The following ENOX1 variants were observed in gnomAD, a reference collection of about 807,000 sequenced individuals.
The protein encoded by ENOX1 is ecto-NOX disulfide-thiol exchanger 1.
ENOX1 carries 42 observed loss-of-function variants against 82.5 expected under a neutral mutation model. That is an observed-to-expected ratio of 0.51 (90% CI 0.40 to 0.66). ENOX1 has a LOEUF of 0.66. Among genes scored for constraint, ENOX1 ranks in the 30% least tolerant of loss-of-function variants. ENOX1 has a pLI of 0.00. For missense variants in ENOX1, 608 were observed against 811.6 expected, an observed-to-expected ratio of 0.75 and a Z score of 3.05; for synonymous variants, 271 against 282.2, an observed-to-expected ratio of 0.96 and a Z score of 0.40.
intron 8 of ENOX1, among the ~76,000 whole-genome samples, chr13:43,349,378 C>A (rs906320415): frequency 6.6e-6 from 1 of 152,108 alleles, no homozygotes; most frequent in Non-Finnish European, 1.5e-5. Context: ...ATTCTGGGAA[C>A]GTAATTGCTC....
At chr13:43,469,507 A>G (rs1413112257) in intron 3 of ENOX1, among the ~76,000 whole-genome samples, 1 of 151,948 alleles carries the variant, frequency 6.6e-6, no homozygotes, top group Non-Finnish European at 1.5e-5. Context: ...TTTGAAAAAT[A>G]AAAATTTTAA....
At chr13:43,567,373 C>T (rs929987293) in intron 2 of ENOX1, among the ~76,000 whole-genome samples, 3 of 152,036 alleles carry the variant, frequency 2.0e-5, no homozygotes, top group African/African-American at 7.2e-5. Flanking sequence ...AAAATGTGAT[C>T]TTCAGCCCAG....
At chr13:43,429,798 T>C (rs1212099092) in intron 3 of ENOX1, among the ~76,000 whole-genome samples, 1 of 152,228 alleles carries the variant, frequency 6.6e-6, no homozygotes, top group Non-Finnish European at 1.5e-5. Flanking sequence ...GCTGAAATTG[T>C]TTCTGGATTT....
chr13:43,683,355 A>C (rs2085893835), intron 1 of ENOX1, among the ~76,000 whole-genome samples: 1 of 152,212 alleles, frequency 6.6e-6, no homozygotes, highest in South Asian at 2.1e-4. Flanking sequence ...CCACAGTTAC[A>C]GAAGCAGGTC....
intron 2 of ENOX1, among the ~76,000 whole-genome samples, chr13:43,639,394 C>T (rs1029742482): frequency 6.6e-6 from 1 of 152,092 alleles, no homozygotes; most frequent in African/African-American, 2.4e-5. Flanking sequence ...TGAGAACAAA[C>T]TGTTTATTGT....
intron 1 of ENOX1, among the ~76,000 whole-genome samples, chr13:43,668,999 C>G (rs1384624065): frequency 6.6e-6 from 1 of 152,142 alleles, no homozygotes; most frequent in Admixed American, 6.6e-5. Context: ...CCCTTAGGAA[C>G]ACGTCTCTTC....
At chr13:43,510,235 A>G (rs1449281276) in intron 2 of ENOX1, among the ~76,000 whole-genome samples, 1 of 152,082 alleles carries the variant, frequency 6.6e-6, no homozygotes, top group Non-Finnish European at 1.5e-5. Context: ...TTGGTAACAG[A>G]CAAGGTTTTG....
intron 2 of ENOX1, among the ~76,000 whole-genome samples, chr13:43,665,839 T>A (rs1182755724): frequency 6.6e-6 from 1 of 151,164 alleles, no homozygotes; most frequent in East Asian, 1.9e-4. Flanking sequence ...CACTGCACTT[T>A]GCTTTGTCAA....
chr13:43,392,106 AG>A (rs1469534663), intron 5 of ENOX1, among the ~76,000 whole-genome samples: 2 of 45,348 alleles, frequency 4.4e-5, no homozygotes, highest in Non-Finnish European at 2.0e-4. Flanking sequence ...TCAGAATCTC[AG>A]TTTAAATTTA....
At chr13:43,486,129 G>C (rs1403092843) in intron 2 of ENOX1, among the ~76,000 whole-genome samples, 1 of 152,220 alleles carries the variant, frequency 6.6e-6, no homozygotes, top group Non-Finnish European at 1.5e-5. Flanking sequence ...AGAATGGTGT[G>C]AACCCGGGAG....
rs146842816 is a variant in ENOX1 at position 43,340,177 on chromosome 13, G to A, written c.1036+4361C>T. On this transcript the variant is annotated intron_variant, in intron 9 of 16. Transcript: ENST00000690772. ...TTACTGCTAATAGTTTCACAGACTG[G>A]GTTCCTTTTTGCAGCCCTTTTTGTA... Among the ~76,000 whole-genome samples the A allele has an allele frequency of 7.4e-3, 1,120 of 152,332 alleles. 12 individuals carry two copies. The highest frequency in any genetic ancestry group is 0.025 in the African/African-American group (1,044 of 41,566).
At chr13:43,591,405 T>C (rs2081239448) in intron 2 of ENOX1, among the ~76,000 whole-genome samples, 1 of 152,196 alleles carries the variant, frequency 6.6e-6, no homozygotes, top group African/African-American at 2.4e-5. Flanking sequence ...TCCCTCTATA[T>C]AAACTCAAAA....
chr13:43,554,655 C>T (rs2079354911), intron 2 of ENOX1, among the ~76,000 whole-genome samples: 1 of 152,188 alleles, frequency 6.6e-6, no homozygotes. Flanking sequence ...TGGTTCACTG[C>T]AGCCTTGACC....
intron 2 of ENOX1, chr13:43,545,362 G>C (rs1193609283): frequency 6.6e-6 from 1 of 152,218 alleles, no homozygotes; most frequent in Non-Finnish European, 1.5e-5. Context: ...GCTGACCCTA[G>C]GGTGGCATTT....
chr13:43,495,839 G>C (rs2076774672), intron 2 of ENOX1, among the ~76,000 whole-genome samples: 1 of 151,852 alleles, frequency 6.6e-6, no homozygotes, highest in Non-Finnish European at 1.5e-5. Context: ...CCAATGTTTG[G>C]TGAGCTCAGT....
chr13:43,470,271 CACATATATATACAT>C (rs1566305225), intron 3 of ENOX1, among the ~76,000 whole-genome samples: 3 of 40,116 alleles, frequency 7.5e-5, no homozygotes, highest in African/African-American at 2.2e-4. Context: ...CATATATATA[CACATATATATACAT>C]ATATATATAC....
intron 15 of ENOX1, among the ~76,000 whole-genome samples, chr13:43,236,333 T>C (rs1005771142): frequency 7.9e-5 from 12 of 152,124 alleles, no homozygotes; most frequent in African/African-American, 2.7e-4. Context: ...TGGCCTCCAG[T>C]TGGAAGTGAC....
At chr13:43,269,441 C>G (rs2044564157) in intron 13 of ENOX1, 29 bp downstream of exon 13, 1 of 1,560,986 alleles carries the variant, frequency 6.4e-7, no homozygotes, top group Non-Finnish European at 8.8e-7. Flanking sequence ...TGGACTGATT[C>G]ATAAATCAGA....
intron 16 of ENOX1, among the ~76,000 whole-genome samples, chr13:43,219,963 T>C (rs1813292552): frequency 1.3e-5 from 2 of 152,220 alleles, no homozygotes; most frequent in African/African-American, 4.8e-5. Context: ...TAAATGCACA[T>C]TTAAATCTTG....
Sources: gnomAD v4.1 joint callset for allele counts (sites outside exome capture counted in the v4.1 genomes callset) on GRCh38, gnomAD v4.1.1 for gene constraint, MANE v1.5 for transcripts, NCBI Gene and HGNC (gene_info 2026-07-23, HGNC 2026-07-21) for gene names.